Variants in DST observed in about 807,000 individuals in gnomAD.
DST encodes dystonin, also known as bullous pemphigoid antigen.
A neutral mutation model predicts 875.2 loss-of-function variants in DST; 253 were observed. That is an observed-to-expected ratio of 0.29 (90% confidence interval 0.26 to 0.32). The LOEUF (loss-of-function observed/expected upper bound fraction) is 0.32. DST is among the 10% of genes least tolerant of loss of function. The probability of loss-of-function intolerance (pLI) is 1.00; values close to 1 mark genes in which losing one functional copy is unlikely to be tolerated. For missense variants in DST, 8,287 were observed against 9,111.6 expected (o/e 0.91, Z 3.68); for synonymous variants, 3,124 against 3,197.1 (o/e 0.98, Z 0.77).
At chr6:56,912,567 T>C (rs1009933873) in intron 2 of DST, among the ~76,000 whole-genome samples, 2 of 152,174 alleles carry the variant, frequency 1.3e-5, no homozygotes, top group Non-Finnish European at 2.9e-5. Context: ...ACTATCAGCA[T>C]AGACTAACGG....
intron 90 of DST, among the ~76,000 whole-genome samples, chr6:56,481,394 T>C (rs1218378434): frequency 2.6e-5 from 4 of 152,232 alleles, no homozygotes; most frequent in African/African-American, 9.6e-5. Flanking sequence ...CTGAAGGGTT[T>C]TGGCAAGTTT....
At position 56,508,747 on chromosome 6, in the gene DST, C is replaced by G. The variant is rs1562451589; in HGVS notation, c.19021G>C (p.Asp6341His). The part of the protein sequence containing the change: ...DKDISAKAVQ[D>H]KLDQMVFIWE... Reference sequence around the variant, plus strand: ...ATGAAAACCATTTGGTCAAGCTTATCCTGAACAGCTATGAAGCAAAACAAT... The same window carrying G: ...ATGAAAACCATTTGGTCAAGCTTATGCTGAACAGCTATGAAGCAAAACAAT... The change falls in exon 75 of 104, where the codon GAT (aspartate) becomes CAT (histidine). Residue 6341 changes from aspartate to histidine, a missense_variant. Physicochemically the swap from Asp to His is moderately conservative, Grantham distance 81. This residue lies in a region of DST where 1,292 missense variants were observed against 1,552.7 expected (regional missense o/e 0.83). Transcript: ENST00000680361. The G allele has an allele frequency of 6.2e-7, 1 of 1,611,876 alleles. No homozygotes were observed. Among genetic ancestry groups the G allele is most frequent in the Admixed American group, 1.7e-5 (1 of 59,916 alleles).
intron 4 of DST, among the ~76,000 whole-genome samples, chr6:56,789,934 T>A (rs1394301989): frequency 6.6e-6 from 1 of 152,212 alleles, no homozygotes; most frequent in African/African-American, 2.4e-5. Flanking sequence ...CAAATATTCA[T>A]ACACAGCAGG....
intron 2 of DST, among the ~76,000 whole-genome samples, chr6:56,951,299 G>A (rs184244039): frequency 6.4e-4 from 97 of 152,318 alleles, no homozygotes; most frequent in African/African-American, 2.2e-3. Context: ...CTGAAAGTGA[G>A]TTAATCTACT....
rs757497469 is a variant in DST at position 56,642,401 on chromosome 6, T to C, written c.1872+9A>G. ...ACCACAACCCCAATGGCTCCTAAAA[T>C]TAACTTACAGACTGAAGAGCATTTC... On this transcript the variant is annotated intron_variant, in intron 16 of 103. Coordinates refer to ENST00000680361, the MANE Select transcript of DST (RefSeq NM_001374736.1). 5 of 1,602,186 alleles carry C rather than the reference T, an allele frequency of 3.1e-6. No homozygotes were observed. The highest frequency in any genetic ancestry group is 4.3e-6 in the Non-Finnish European group (5 of 1,169,284).
chr6:56,825,862 T>A (rs1276620560), intron 4 of DST, among the ~76,000 whole-genome samples: 1 of 152,230 alleles, frequency 6.6e-6, no homozygotes, highest in Non-Finnish European at 1.5e-5. Context: ...ATACAGCACC[T>A]TAATTGTCCT....
Position 56,535,141 on chromosome 6 carries a change from G to A in DST, c.16922C>T (p.Ala5641Val), listed in dbSNP as rs768150254. ...ACTTACCTTTTGTTCTTGTATCTGG[G>A]CCTTTACCACTTTGAACTCAGCCGA... ...PPSAEFKVVK[A>V]QIQEQKLLQR... The change falls in exon 63 of 104, where the codon GCC becomes GTC. Residue 5641 changes from alanine to valine, a missense_variant. Ala to Val is a moderately conservative substitution (Grantham distance 64). Around this residue, in one of 10 missense-constraint regions of DST, gnomAD observed 777 missense variants for 764.8 expected, o/e 1.02. Transcript: ENST00000680361. 219 of 1,613,496 alleles carry A rather than the reference G, an allele frequency of 1.4e-4. No individual in the cohort carries two copies. The highest frequency in any genetic ancestry group is 1.7e-4 in the Non-Finnish European group (201 of 1,179,758).
At chr6:56,930,814 C>G (rs1320155350) in intron 2 of DST, among the ~76,000 whole-genome samples, 3 of 152,176 alleles carry the variant, frequency 2.0e-5, no homozygotes, top group Non-Finnish European at 2.9e-5. Context: ...TGAACAAAGA[C>G]AGCAATGTTG....
chr6:56,870,431 CAAAAAAAAAA>C (rs34119606), intron 3 of DST, among the ~76,000 whole-genome samples: 1,231 of 51,426 alleles, frequency 0.024, 33 homozygotes, highest in African/African-American at 0.078. Flanking sequence ...CTTGCAACTG[CAAAAAAAAAA>C]AAAAAAAAAA....
intron 10 of DST, among the ~76,000 whole-genome samples, chr6:56,664,708 A>C (rs1239538460): frequency 6.6e-6 from 1 of 152,178 alleles, no homozygotes; most frequent in Non-Finnish European, 1.5e-5. Context: ...AGGTAAGGTT[A>C]GGGGCAATAG....
intron 72 of DST, among the ~76,000 whole-genome samples, chr6:56,512,143 C>A (rs1210592749): frequency 6.6e-6 from 1 of 152,308 alleles, no homozygotes; most frequent in Middle Eastern, 3.4e-3. Context: ...TCTATCAATA[C>A]ACAGCTATAT....
chr6:56,885,316 T>A (rs1198827088), intron 3 of DST, among the ~76,000 whole-genome samples: 1 of 152,242 alleles, frequency 6.6e-6, no homozygotes, highest in Non-Finnish European at 1.5e-5. Flanking sequence ...GTACAATTCA[T>A]GTGCCAGGGT....
Position 56,504,668 on chromosome 6 carries a change from A to G in DST, c.19465-570T>C, listed in dbSNP as rs1368602026. On this transcript the variant is annotated intron_variant, in intron 77 of 103. Transcript: ENST00000680361. Reference sequence around the variant, plus strand: ...TTTAGGTAATAAAAATAGTCTAAAAAGGCTCAAGTCACATTTTTTTTAGGT... The same window carrying G: ...TTTAGGTAATAAAAATAGTCTAAAAGGGCTCAAGTCACATTTTTTTTAGGT... Among the ~76,000 whole-genome samples the G allele has an allele frequency of 7.2e-5, 11 of 152,264 alleles. No individual in the cohort carries two copies. In the South Asian group the frequency reaches 1.5e-3, roughly 20 times the overall value.
chr6:56,952,053 GCCCT>G (rs1822638740), intron 2 of DST, among the ~76,000 whole-genome samples: 1 of 151,988 alleles, frequency 6.6e-6, no homozygotes, highest in Non-Finnish European at 1.5e-5. Context: ...TGGGGATACA[GCCCT>G]AAACAAGAAA....
rs200299743 is a variant in DST, at chr6:56,671,674, A to C, written c.1048-867T>G. 7.2e-5 allele frequency among the ~76,000 whole-genome samples: 11 copies of C among 152,348 alleles called. No individual in the cohort carries two copies. The East Asian group carries it at 2.1e-3, about 29-fold the overall frequency. ...ACAAAGTGACTTTACCAGGGGTCAC[A>C]CAGTAATTCCAAAGCTGAGATTAAC... On this transcript the variant is annotated intron_variant, in intron 9 of 103. Coordinates refer to ENST00000680361, the MANE Select transcript of DST (RefSeq NM_001374736.1).
intron 36 of DST, chr6:56,620,425 A>C: frequency 6.2e-7 from 1 of 1,614,016 alleles, no homozygotes; most frequent in Non-Finnish European, 8.5e-7. Context: ...TCTCTCTCAC[A>C]ATGGTTTCAA....
chr6:56,594,225 A>C, intron 47 of DST, 32 bp from the exon 48 acceptor site: 1 of 1,497,720 alleles, frequency 6.7e-7, no homozygotes, highest in Non-Finnish European at 8.8e-7. Flanking sequence ...ATAATCTTCA[A>C]GCAGTAACGG....
At chr6:56,691,907 A>G (rs1477908903) in intron 9 of DST, among the ~76,000 whole-genome samples, 5 of 152,216 alleles carry the variant, frequency 3.3e-5, no homozygotes, top group African/African-American at 1.2e-4. Context: ...CATGAAAATC[A>G]ACAGAGAACC....
Position 56,714,782 on chromosome 6 carries a change from T to G in DST, c.688-10413A>C, listed in dbSNP as rs555106767. Reference sequence around the variant, plus strand: ...AGGTCACATTCTAAAACCTCTGCTGTGATATTTCTCTATTGATAACTCCTC... The same window carrying G: ...AGGTCACATTCTAAAACCTCTGCTGGGATATTTCTCTATTGATAACTCCTC... On this transcript the variant is annotated intron_variant, in intron 5 of 103. Transcript: ENST00000680361. This position sits in a 1 kb window ranked among gnomAD's most constrained non-coding sequence, Gnocchi z 4.5. Among the ~76,000 whole-genome samples, 44 of 152,318 alleles carry G rather than the reference T, an allele frequency of 2.9e-4. No individual in the cohort carries two copies. In the South Asian group the frequency reaches 8.9e-3, roughly 31 times the overall value.
Sources: allele counts gnomAD v4.1 joint callset (sites outside exome capture counted in the v4.1 genomes callset), GRCh38; gene constraint gnomAD v4.1.1; regional missense constraint gnomAD v4.1.1; non-coding constraint Gnocchi (gnomAD v3.1); transcripts MANE v1.5; gene names NCBI Gene and HGNC (gene_info 2026-07-23, HGNC 2026-07-21).